WWOX: variants seen among roughly 807,000 people sequenced by gnomAD.
WWOX encodes WW domain-containing oxidoreductase.
Under a neutral mutation model 46.2 loss-of-function variants are expected in WWOX, and 69 were observed. That is an observed-to-expected ratio of 1.49 (90% CI 1.23 to 1.82). WWOX has a LOEUF of 1.82. Among genes scored for constraint, WWOX ranks in the 40% most tolerant of loss-of-function variants. The pLI is 0.00. For synonymous variants in WWOX, 359 were observed against 202.6 expected (o/e 1.77, Z -6.56); for missense variants, 919 against 542.6 (o/e 1.69, Z -6.89).
chr16:79,119,099 G>A (rs542532484), intron 8 of WWOX, among the ~76,000 whole-genome samples: 13 of 152,058 alleles, frequency 8.5e-5, no homozygotes, highest in Non-Finnish European at 1.5e-4. Context: ...GAGACATATT[G>A]CCAAATTGCT....
In WWOX at chr16:78,152,158, C is replaced by G. The variant is rs553801038; in HGVS notation, c.410-12025C>G. Among the ~76,000 whole-genome samples the G allele has an allele frequency of 5.5e-4, 84 of 151,698 alleles. 1 individual carries two copies. The highest frequency in any genetic ancestry group is 7.3e-4 in the African/African-American group (30 of 41,366). ...TGAGCCGAGATCGCGCCACTGCACT[C>G]CAGCCTGGGCGACAGAGCGAGACTC... is the stretch of plus-strand genomic sequence containing the variant. On this transcript the variant is annotated intron_variant, in intron 4 of 8. Transcript: ENST00000566780.
chr16:79,036,894 C>T (rs1194737008), intron 8 of WWOX, among the ~76,000 whole-genome samples: 1 of 152,180 alleles, frequency 6.6e-6, no homozygotes, highest in Admixed American at 6.5e-5. Flanking sequence ...CAAAGGGATT[C>T]TTTCAGATGG....
At chr16:78,930,746 A>C (rs549336462) in intron 8 of WWOX, among the ~76,000 whole-genome samples, 21 of 152,246 alleles carry the variant, frequency 1.4e-4, no homozygotes, top group Admixed American at 2.0e-4. Flanking sequence ...AGAAGAACTC[A>C]CTGAAAAGTC....
At chr16:78,627,297 C>T (rs985941928) in intron 8 of WWOX, among the ~76,000 whole-genome samples, 3 of 152,138 alleles carry the variant, frequency 2.0e-5, no homozygotes, top group African/African-American at 7.2e-5. Context: ...CTAGTCTGGT[C>T]TTAAAGTCCC....
intron 8 of WWOX, among the ~76,000 whole-genome samples, chr16:78,563,775 G>C (rs1254615767): frequency 6.6e-6 from 1 of 152,096 alleles, no homozygotes; most frequent in Non-Finnish European, 1.5e-5. Context: ...ATCTATGGTT[G>C]ATTGTAAAAA....
intron 5 of WWOX, among the ~76,000 whole-genome samples, chr16:78,198,769 G>A (rs1320558668): frequency 2.0e-5 from 3 of 152,072 alleles, no homozygotes; most frequent in Non-Finnish European, 4.4e-5. Context: ...TTTCGCATAT[G>A]TCAATATGTA....
chr16:78,308,037 A>G (rs2080165532), intron 5 of WWOX, among the ~76,000 whole-genome samples: 2 of 151,730 alleles, frequency 1.3e-5, no homozygotes, highest in African/African-American at 4.8e-5. Flanking sequence ...AGTTGAGTTA[A>G]CCTTCCCATG....
chr16:78,160,140 A>G (rs749504854), intron 4 of WWOX, among the ~76,000 whole-genome samples: 1 of 151,516 alleles, frequency 6.6e-6, no homozygotes, highest in Non-Finnish European at 1.5e-5. Context: ...TCCTAATGTA[A>G]TGGATGCTTA....
chr16:78,646,078 C>A (rs2046834115), intron 8 of WWOX, among the ~76,000 whole-genome samples: 1 of 152,160 alleles, frequency 6.6e-6, no homozygotes, highest in Non-Finnish European at 1.5e-5. Flanking sequence ...GGTAACTGCG[C>A]ATACTCTCCT....
At chr16:78,540,429 A>G (rs572817727) in intron 8 of WWOX, among the ~76,000 whole-genome samples, 32 of 152,256 alleles carry the variant, frequency 2.1e-4, no homozygotes, top group African/African-American at 7.0e-4. Flanking sequence ...GCTGATTGCA[A>G]ATATACTTGT....
At chr16:78,526,907 A>G (rs544474249) in intron 8 of WWOX, among the ~76,000 whole-genome samples, 19 of 152,276 alleles carry the variant, frequency 1.2e-4, no homozygotes, top group African/African-American at 4.6e-4. Flanking sequence ...GCTCACGCCT[A>G]TAATCCCAGC....
intron 8 of WWOX, among the ~76,000 whole-genome samples, chr16:78,926,418 A>T (rs930060941): frequency 6.6e-6 from 1 of 151,892 alleles, no homozygotes; most frequent in East Asian, 1.9e-4. Context: ...TGGCCCATGC[A>T]ATTTGAATGT....
chr16:79,110,233 G>C (rs146101275), intron 8 of WWOX, among the ~76,000 whole-genome samples: 41 of 152,258 alleles, frequency 2.7e-4, no homozygotes, highest in Admixed American at 5.9e-4. Flanking sequence ...AGGTAGGTTT[G>C]ACTCATGTGA....
intron 5 of WWOX, among the ~76,000 whole-genome samples, chr16:78,314,688 G>GTTTTTTTTTTTTTT (rs375905643): frequency 2.2e-5 from 2 of 90,484 alleles, no homozygotes; most frequent in African/African-American, 4.9e-5. Context: ...CCCTGCAGGG[G>GTTTTTTTTTTTTTT]TTTTTTTTTT....
chr16:78,517,368 A>T (rs1258302513), intron 8 of WWOX, among the ~76,000 whole-genome samples: 1 of 132,150 alleles, frequency 7.6e-6, no homozygotes, highest in Non-Finnish European at 1.5e-5. Flanking sequence ...CATTTGAAGC[A>T]TCCACAGAAA....
chr16:78,410,612 C>T (rs1167650446), intron 6 of WWOX, among the ~76,000 whole-genome samples: 2 of 151,728 alleles, frequency 1.3e-5, no homozygotes, highest in Non-Finnish European at 2.9e-5. Flanking sequence ...GAGTTTGAGA[C>T]CAACCTGGCC....
intron 8 of WWOX, among the ~76,000 whole-genome samples, chr16:79,124,576 C>A (rs946439268): frequency 6.6e-6 from 1 of 152,060 alleles, no homozygotes; most frequent in African/African-American, 2.4e-5. Flanking sequence ...ATTCCATGGC[C>A]CTGTCCCAGC....
chr16:78,924,013 C>A (rs1406977587), intron 8 of WWOX, among the ~76,000 whole-genome samples: 4 of 151,834 alleles, frequency 2.6e-5, no homozygotes, highest in Admixed American at 1.3e-4. Flanking sequence ...GACGGGGTTT[C>A]ACCGTGTTAG....
At chr16:79,073,053 G>A (rs1259064445) in intron 8 of WWOX, among the ~76,000 whole-genome samples, 1 of 152,064 alleles carries the variant, frequency 6.6e-6, no homozygotes, top group African/African-American at 2.4e-5. Context: ...CTCAGTGAGA[G>A]TTGCAGAATC....
Sources: gnomAD v4.1 joint callset for allele counts (sites outside exome capture counted in the v4.1 genomes callset) on GRCh38, gnomAD v4.1.1 for gene constraint, MANE v1.5 for transcripts, NCBI Gene and HGNC (gene_info 2026-07-23, HGNC 2026-07-21) for gene names.